The following CAMK2D variants were observed in gnomAD, a reference collection of about 807,000 sequenced individuals.
CAMK2D encodes calcium/calmodulin dependent protein kinase II delta.
In CAMK2D, 37 loss-of-function variants were observed where a neutral mutation model predicts 84.0. The observed-to-expected ratio is 0.44, with a 90% CI of 0.34 to 0.58. The LOEUF is 0.58. Ranked by LOEUF, CAMK2D falls within the 20% of genes least tolerant of loss-of-function variation. CAMK2D has a pLI of 0.02. For synonymous variants in CAMK2D, 202 were observed against 212.5 expected (o/e 0.95, Z 0.43); for missense variants, 448 against 652.5 (o/e 0.69, Z 3.41).
chr4:113,730,257 CT>C (rs1315528033), intron 2 of CAMK2D, among the ~76,000 whole-genome samples: 1 of 152,078 alleles, frequency 6.6e-6, no homozygotes. Flanking sequence ...TATTGTTAAC[CT>C]TTTTTTCTAA....
intron 4 of CAMK2D, among the ~76,000 whole-genome samples, chr4:113,567,485 C>T (rs1051872273): frequency 1.3e-5 from 2 of 152,098 alleles, no homozygotes; most frequent in Non-Finnish European, 2.9e-5. Flanking sequence ...ATCTTTTGAT[C>T]TGACATCTAT....
intron 8 of CAMK2D, among the ~76,000 whole-genome samples, chr4:113,527,530 C>T (rs2098427182): frequency 6.6e-6 from 1 of 152,112 alleles, no homozygotes; most frequent in African/African-American, 2.4e-5. Context: ...GTGTGACTCA[C>T]TTTATTTTGA....
At chr4:113,651,141 A>G (rs2099170688) in intron 3 of CAMK2D, among the ~76,000 whole-genome samples, 1 of 152,220 alleles carries the variant, frequency 6.6e-6, no homozygotes, top group South Asian at 2.1e-4. Context: ...GTGAAAGAAT[A>G]TTTTAAGAGA....
chr4:113,480,677 C>G (rs1337210049), intron 16 of CAMK2D, among the ~76,000 whole-genome samples: 5 of 152,096 alleles, frequency 3.3e-5, no homozygotes, highest in Non-Finnish European at 1.5e-5. Flanking sequence ...CTTGTCTCTA[C>G]TAAAAATACA....
intron 2 of CAMK2D, among the ~76,000 whole-genome samples, chr4:113,668,939 A>T (rs192584595): frequency 3.3e-5 from 5 of 152,290 alleles, no homozygotes; most frequent in Non-Finnish European, 7.4e-5. Context: ...ATTGTTTAAG[A>T]GGGAGCTGCT....
chr4:113,515,237 C>T (rs780410216), intron 9 of CAMK2D, 46 bp from the exon 10 acceptor site: 63 of 1,380,928 alleles, frequency 4.6e-5, no homozygotes, highest in Non-Finnish European at 5.5e-5. Flanking sequence ...TAGACACACT[C>T]GATCAAACAG....
intron 2 of CAMK2D, among the ~76,000 whole-genome samples, chr4:113,685,620 AAAAC>A (rs547633508): frequency 1.3e-3 from 200 of 152,328 alleles, no homozygotes; most frequent in Non-Finnish European, 1.1e-3. Flanking sequence ...AAATTAGAGA[AAAAC>A]AAAATTAGGT....
chr4:113,743,458 T>C (rs2099597299), intron 2 of CAMK2D, among the ~76,000 whole-genome samples: 1 of 152,226 alleles, frequency 6.6e-6, no homozygotes, highest in Admixed American at 6.5e-5. Flanking sequence ...CACAATGCTT[T>C]TGGTTGTCTC....
At chr4:113,707,772 G>A (rs1365199448) in intron 2 of CAMK2D, among the ~76,000 whole-genome samples, 3 of 152,134 alleles carry the variant, frequency 2.0e-5, no homozygotes, top group Non-Finnish European at 2.9e-5. Flanking sequence ...TGAGGCAATA[G>A]GTAAGATTTT....
chr4:113,599,257 G>A (rs2098941286), intron 4 of CAMK2D, among the ~76,000 whole-genome samples: 1 of 152,166 alleles, frequency 6.6e-6, no homozygotes, highest in Non-Finnish European at 1.5e-5. Flanking sequence ...AAATGGTATA[G>A]CCACTTAAGA....
intron 8 of CAMK2D, among the ~76,000 whole-genome samples, chr4:113,522,506 G>C (rs1367118094): frequency 1.3e-5 from 2 of 152,144 alleles, no homozygotes; most frequent in Non-Finnish European, 2.9e-5. Flanking sequence ...GAAGATCAAT[G>C]CCAGCAAGAT....
At chr4:113,726,911 T>C (rs879671795) in intron 2 of CAMK2D, among the ~76,000 whole-genome samples, 25 of 152,156 alleles carry the variant, frequency 1.6e-4, no homozygotes, top group Non-Finnish European at 2.5e-4. Flanking sequence ...CCTCTTAATA[T>C]AAGGAAGTAT....
chr4:113,665,671 T>C (rs2099254561), intron 2 of CAMK2D, among the ~76,000 whole-genome samples: 1 of 152,236 alleles, frequency 6.6e-6, no homozygotes, highest in African/African-American at 2.4e-5. Flanking sequence ...TATTTATCAT[T>C]TAATATTTAT....
At chr4:113,555,860 G>T (rs1228556143) in intron 4 of CAMK2D, among the ~76,000 whole-genome samples, 1 of 152,142 alleles carries the variant, frequency 6.6e-6, no homozygotes, top group African/African-American at 2.4e-5. Flanking sequence ...AGGTAATGAG[G>T]TCATGAGGGT....
At chr4:113,702,902 A>AAT (rs139581983) in intron 2 of CAMK2D, among the ~76,000 whole-genome samples, 41 of 151,466 alleles carry the variant, frequency 2.7e-4, no homozygotes, top group South Asian at 8.3e-4. Context: ...CTTATCTTAA[A>AAT]ATATATATAT....
At chr4:113,586,786 A>G (rs1391846887) in intron 4 of CAMK2D, among the ~76,000 whole-genome samples, 1 of 152,188 alleles carries the variant, frequency 6.6e-6, no homozygotes, top group Non-Finnish European at 1.5e-5. Context: ...AAAAGCCTCT[A>G]TCTATGAATA....
intron 4 of CAMK2D, among the ~76,000 whole-genome samples, chr4:113,588,353 A>C (rs1328142962): frequency 1.3e-5 from 2 of 152,222 alleles, no homozygotes; most frequent in Non-Finnish European, 2.9e-5. Context: ...TAAGCATCAT[A>C]ATAATAAAGA....
intron 2 of CAMK2D, among the ~76,000 whole-genome samples, chr4:113,702,383 T>G (rs2099422392): frequency 6.6e-6 from 1 of 152,170 alleles, no homozygotes; most frequent in South Asian, 2.1e-4. Context: ...AAAGTCATTC[T>G]TAGCTTACTG....
chr4:113,741,559 C>T (rs2099593002), intron 2 of CAMK2D, among the ~76,000 whole-genome samples: 1 of 152,120 alleles, frequency 6.6e-6, no homozygotes, highest in Non-Finnish European at 1.5e-5. Flanking sequence ...GGTCTTGGAA[C>T]GTATCCCCCA....
Sources: allele counts gnomAD v4.1 joint callset (sites outside exome capture counted in the v4.1 genomes callset), GRCh38; gene constraint gnomAD v4.1.1; transcripts MANE v1.5; gene names NCBI Gene and HGNC (gene_info 2026-07-23, HGNC 2026-07-21).